Variants in CLNK observed in about 807,000 individuals in gnomAD.
CLNK encodes cytokine-dependent hematopoietic cell linker.
A neutral mutation model predicts 68.6 loss-of-function variants in CLNK; 74 were observed. The ratio of observed to expected loss-of-function variants is 1.08; its 90% confidence interval spans 0.89 to 1.31. CLNK has a LOEUF of 1.31. Among genes scored for constraint, CLNK ranks in the 50% most tolerant of loss-of-function variants. The pLI, the probability that CLNK is intolerant of heterozygous loss-of-function variation, is 0.00. For missense variants in CLNK, 553 were observed against 515.3 expected, an observed-to-expected ratio of 1.07 and a Z score of -0.71; for synonymous variants, 198 against 172.2, an observed-to-expected ratio of 1.15 and a Z score of -1.17.
At chr4:10,713,299 G>A in the CLNK span, among the ~76,000 whole-genome samples, 3 of 152,316 alleles carry the variant, frequency 2.0e-5, no homozygotes, top group Admixed American at 6.5e-5. Context: ...GTGTTGTCAA[G>A]TGTCCCACAC....
chr4:10,699,459 C>CCTCTCTCTCTCT, the CLNK span, among the ~76,000 whole-genome samples: 1 of 62,902 alleles, frequency 1.6e-5, no homozygotes, highest in Non-Finnish European at 3.7e-5. Context: ...CTATGTACAT[C>CCTCTCTCTCTCT]CTCTCTGTCT....
intron 2 of CLNK, among the ~76,000 whole-genome samples, chr4:10,627,406 C>T (rs1722716554): frequency 6.6e-6 from 1 of 152,260 alleles, no homozygotes; most frequent in East Asian, 1.9e-4. Context: ...GGAAACAATA[C>T]CTTTAAAAAG....
chr4:10,530,358 A>T (rs1411442438), intron 12 of CLNK, among the ~76,000 whole-genome samples: 1 of 152,202 alleles, frequency 6.6e-6, no homozygotes, highest in Non-Finnish European at 1.5e-5. Context: ...AAAAGATTCT[A>T]GTCCACAAGA....
At chr4:10,683,411 TG>T (rs1178151548) in intron 1 of CLNK, among the ~76,000 whole-genome samples, 3 of 152,194 alleles carry the variant, frequency 2.0e-5, no homozygotes, top group Non-Finnish European at 1.5e-5. Flanking sequence ...TTTAGATGGT[TG>T]GTGTCAGAGA....
chr4:10,556,164 C>T (rs948130203), intron 8 of CLNK, among the ~76,000 whole-genome samples: 1 of 152,196 alleles, frequency 6.6e-6, no homozygotes, highest in Non-Finnish European at 1.5e-5. Context: ...AAACAGAGCA[C>T]TAACTTAATC....
intron 8 of CLNK, among the ~76,000 whole-genome samples, chr4:10,552,879 C>A (rs901407895): frequency 3.3e-5 from 5 of 152,166 alleles, no homozygotes; most frequent in Non-Finnish European, 5.9e-5. Flanking sequence ...GCATTATAAT[C>A]TTCTCTGTCC....
At chr4:10,721,247 A>G in the CLNK span, among the ~76,000 whole-genome samples, 1 of 152,094 alleles carries the variant, frequency 6.6e-6, no homozygotes, top group East Asian at 1.9e-4. Context: ...TGATGATGGA[A>G]AAGTTCTGTA....
intron 2 of CLNK, among the ~76,000 whole-genome samples, chr4:10,649,407 G>A (rs541790784): frequency 2.0e-5 from 3 of 152,104 alleles, no homozygotes; most frequent in Admixed American, 6.6e-5. Context: ...AACTGAAATC[G>A]CTTTCTCCTT....
At chr4:10,507,630 A>T (rs972141065) in intron 17 of CLNK, among the ~76,000 whole-genome samples, 2 of 151,700 alleles carry the variant, frequency 1.3e-5, no homozygotes, top group African/African-American at 4.8e-5. Flanking sequence ...TGCCTGGCTA[A>T]TTTTATTTTT....
In CLNK at chr4:10,490,238, C is replaced by T. The variant is rs1453886329; in HGVS notation, c.*229G>A. 3.1e-5 allele frequency: 12 copies of T among 391,480 alleles called. No individual in the cohort carries two copies. Among genetic ancestry groups the T allele is most frequent in the South Asian group, 8.6e-5 (1 of 11,594 alleles). 24.3% of individuals were successfully genotyped at this position (391,480 alleles called of 1,614,324 possible). On this transcript the variant is annotated 3_prime_UTR_variant, in exon 19 of 19. Transcript: ENST00000226951. ...CTAGTTTTTATTTTTATTTATTTTC[C>T]AGTGGCCAGTTACTAGAATGTTTTT...
intron 8 of CLNK, among the ~76,000 whole-genome samples, chr4:10,542,652 G>T (rs1016605273): frequency 7.0e-6 from 1 of 143,176 alleles, no homozygotes; most frequent in African/African-American, 2.8e-5. Flanking sequence ...GTGTGTGTGT[G>T]TGTATGTGTG....
At chr4:10,520,755 T>C in intron 15 of CLNK, 36 bp downstream of exon 15, 1 of 1,539,534 alleles carries the variant, frequency 6.5e-7, no homozygotes, top group East Asian at 2.3e-5. Flanking sequence ...TATCGTGACT[T>C]ACCTGTTTAT....
rs1234844236 is a variant in CLNK at position 10,684,694 on chromosome 4, A to T, written c.-69T>A. 1 of 152,174 alleles carries T rather than the reference A, an allele frequency of 6.6e-6. No individual in the cohort carries two copies. Among genetic ancestry groups the T allele is most frequent in the Non-Finnish European group, 1.5e-5 (1 of 68,044 alleles). 9.4% of individuals were successfully genotyped at this position (152,174 alleles called of 1,614,324 possible). On this transcript the variant is annotated 5_prime_UTR_variant, in exon 1 of 19. Transcript: ENST00000226951. ...TGAACAGCGTGGAGAGCACCAAGGG[A>T]TCTAGGCTGAGGTGTCCGTCTCCTG...
At chr4:10,581,871 T>C (rs1351278819) in intron 4 of CLNK, among the ~76,000 whole-genome samples, 1 of 152,082 alleles carries the variant, frequency 6.6e-6, no homozygotes, top group Non-Finnish European at 1.5e-5. Flanking sequence ...GTCTGGATAG[T>C]TTTCTTCTCT....
chr4:10,529,989 CT>C (rs869247720), intron 12 of CLNK, among the ~76,000 whole-genome samples: 1 of 150,444 alleles, frequency 6.6e-6, no homozygotes, highest in Non-Finnish European at 1.5e-5. Flanking sequence ...TTTCTCCTTC[CT>C]TTTTTCTTTT....
chr4:10,703,970 GAAT>G, the CLNK span, among the ~76,000 whole-genome samples: 8 of 152,176 alleles, frequency 5.3e-5, no homozygotes, highest in African/African-American at 1.9e-4. Flanking sequence ...AACACAGACA[GAAT>G]AATAATCACA....
intron 8 of CLNK, among the ~76,000 whole-genome samples, chr4:10,549,323 T>C (rs914831787): frequency 6.6e-6 from 1 of 152,222 alleles, no homozygotes; most frequent in Non-Finnish European, 1.5e-5. Context: ...TCTACCATTA[T>C]ACAGCTTTGA....
intron 8 of CLNK, among the ~76,000 whole-genome samples, chr4:10,548,219 C>T (rs1042628705): frequency 3.3e-5 from 5 of 152,150 alleles, no homozygotes; most frequent in African/African-American, 9.7e-5. Flanking sequence ...TGATATTTCA[C>T]TGTGGCTCTG....
At chr4:10,580,738 T>A (rs1207333336) in intron 4 of CLNK, among the ~76,000 whole-genome samples, 2 of 152,086 alleles carry the variant, frequency 1.3e-5, no homozygotes, top group East Asian at 3.8e-4. Flanking sequence ...GTACAATGCG[T>A]TTGTGCTTAA....
Sources: gnomAD v4.1 joint callset for allele counts (sites outside exome capture counted in the v4.1 genomes callset) on GRCh38, gnomAD v4.1.1 for gene constraint, MANE v1.5 for transcripts, NCBI Gene and HGNC (gene_info 2026-07-23, HGNC 2026-07-21) for gene names.